The following CROT variants were observed in gnomAD, a reference collection of about 807,000 sequenced individuals.
The protein encoded by CROT is carnitine O-octanoyltransferase.
CROT carries 84 observed loss-of-function variants against 89.2 expected under a neutral mutation model. That is an observed-to-expected ratio of 0.94 (90% CI 0.79 to 1.13). The LOEUF is 1.13. Ranked by LOEUF, CROT falls within the 50% of genes most tolerant of loss-of-function variation. The pLI, the probability that CROT is intolerant of heterozygous loss-of-function variation, is 0.00. For synonymous variants in CROT, 212 were observed against 239.5 expected, an observed-to-expected ratio of 0.89 and a Z score of 1.06; for missense variants, 711 against 727.8, an observed-to-expected ratio of 0.98 and a Z score of 0.27.
chr7:87,361,528 A>G lies in CROT; in HGVS notation c.379A>G (p.Ile127Val). 1 of 1,607,452 alleles carries G rather than the reference A, an allele frequency of 6.2e-7. No homozygotes were observed. The highest frequency in any genetic ancestry group is 8.5e-7 in the Non-Finnish European group (1 of 1,177,442). Residue 127 changes from isoleucine (I) to valine (V), a missense_variant, in exon 5 of 18, where the codon ATA becomes GTA. Transcript: ENST00000331536. ...KEGTQLERGS[I>V]TLWHNLNYWQ... Reference sequence around the variant, plus strand: ...AGGGACTCAATTAGAAAGAGGAAGTATAACTCTTTGGCATAACTTGAACTA... The same window carrying G: ...AGGGACTCAATTAGAAAGAGGAAGTGTAACTCTTTGGCATAACTTGAACTA...
At chr7:87,391,752 A>C in intron 14 of CROT, 40 bp downstream of exon 14, 1 of 1,590,804 alleles carries the variant, frequency 6.3e-7, no homozygotes, top group Non-Finnish European at 8.5e-7. Flanking sequence ...AGATTTGTTT[A>C]ATTGTTCTAA....
At chr7:87,373,393 C>T (rs564303040) in intron 7 of CROT, among the ~76,000 whole-genome samples, 1 of 151,996 alleles carries the variant, frequency 6.6e-6, no homozygotes, top group African/African-American at 2.4e-5. Flanking sequence ...TTCTTGATGG[C>T]CTCTTTTGAT....
intron 17 of CROT, among the ~76,000 whole-genome samples, chr7:87,393,881 A>G (rs569191600): frequency 6.6e-6 from 1 of 152,178 alleles, no homozygotes; most frequent in East Asian, 1.9e-4. Flanking sequence ...TAAATGAGAA[A>G]ATTTTTTGGA....
intron 17 of CROT, among the ~76,000 whole-genome samples, chr7:87,397,874 A>G (rs1807592390): frequency 1.3e-5 from 2 of 152,182 alleles, no homozygotes; most frequent in Admixed American, 6.6e-5. Flanking sequence ...TTTTGAGCCT[A>G]ATTCATATTT....
intron 3 of CROT, among the ~76,000 whole-genome samples, chr7:87,350,265 GT>G (rs1473689613): frequency 6.6e-6 from 1 of 152,106 alleles, no homozygotes; most frequent in East Asian, 1.9e-4. Context: ...ATAATATTCA[GT>G]TTTGTTCAAG....
chr7:87,386,081 G>T (rs1287559413), intron 13 of CROT, among the ~76,000 whole-genome samples: 1 of 152,042 alleles, frequency 6.6e-6, no homozygotes, highest in Non-Finnish European at 1.5e-5. Flanking sequence ...ATTTTGTTGA[G>T]GATTTCTGCA....
intron 2 of CROT, 104 bp from the exon 3 acceptor site, chr7:87,348,944 G>A: frequency 2.0e-6 from 1 of 501,224 alleles, no homozygotes; most frequent in Non-Finnish European, 3.6e-6. Flanking sequence ...TCCTAGATAT[G>A]CTGTGGTCCC....
chr7:87,360,502 A>G (rs1806233485), intron 4 of CROT, among the ~76,000 whole-genome samples: 4 of 151,816 alleles, frequency 2.6e-5, no homozygotes, highest in Non-Finnish European at 5.9e-5. Context: ...CACCACACCC[A>G]ACTGATTTTT....
intron 17 of CROT, among the ~76,000 whole-genome samples, chr7:87,396,245 A>G (rs1168508343): frequency 6.6e-6 from 1 of 152,200 alleles, no homozygotes; most frequent in Non-Finnish European, 1.5e-5. Flanking sequence ...CCTGAGCAAT[A>G]TAGTAAGACC....
At position 87,381,891 on chromosome 7, in the gene CROT, T is replaced by C. The variant is rs1807018714; in HGVS notation, c.979-19T>C. The C allele has an allele frequency of 1.3e-6, 2 of 1,550,538 alleles. No individual in the cohort carries two copies. Among genetic ancestry groups the C allele is most frequent in the African/African-American group, 1.4e-5 (1 of 72,858 alleles). On this transcript the variant is annotated intron_variant, in intron 10 of 17. Transcript: ENST00000331536. ...AGTTGACATAAAGTATTCAGAAATC[T>C]TGTGTGTTCTCATTTTAGCATGCTC...
chr7:87,367,237 A>G (rs1414418287), intron 6 of CROT, among the ~76,000 whole-genome samples: 1 of 152,188 alleles, frequency 6.6e-6, no homozygotes, highest in Non-Finnish European at 1.5e-5. Flanking sequence ...GAGGGAGGCA[A>G]AGGAGAGAAC....
chr7:87,394,434 G>A (rs1184197325), intron 17 of CROT, among the ~76,000 whole-genome samples: 1 of 152,050 alleles, frequency 6.6e-6, no homozygotes. Flanking sequence ...CTCCCAAGAA[G>A]CAGAGAAAAG....
rs186337309 is a variant in CROT, at chr7:87,347,878, C to G, written c.-21-1170C>G. 8.1e-4 allele frequency among the ~76,000 whole-genome samples: 123 copies of G among 152,090 alleles called. 1 individual carries two copies. Among genetic ancestry groups the G allele is most frequent in the Admixed American group, 1.2e-3 (19 of 15,272 alleles). ...CATGCATTCCTTTTTGGGAGCATGACCTGGAAGTGACACACACAAGGTCAT... is the reference window on the plus strand; with the variant it reads ...CATGCATTCCTTTTTGGGAGCATGAGCTGGAAGTGACACACACAAGGTCAT... On this transcript the variant is annotated intron_variant, in intron 2 of 17. Coordinates refer to ENST00000331536, the MANE Select transcript of CROT (RefSeq NM_021151.4).
At position 87,398,782 on chromosome 7, in the gene CROT, A is replaced by G; in HGVS notation, c.*138A>G. On this transcript the variant is annotated 3_prime_UTR_variant, in exon 18 of 18. Coordinates refer to ENST00000331536, the MANE Select transcript of CROT (RefSeq NM_021151.4). ...AGTTAAGAAAACTTGTTAAATGTAG[A>G]AATTAGTAGAATCATGCTCTCTAAA... 1.3e-6 allele frequency: 1 copy of G among 770,440 alleles called. No individual in the cohort carries two copies. Among genetic ancestry groups the G allele is most frequent in the African/African-American group, 1.8e-5 (1 of 57,004 alleles). The allele number at this position is 770,440 out of a possible 1,614,324, so 47.7% of individuals were successfully genotyped here.
At chr7:87,389,912 A>C (rs1163373050) in intron 13 of CROT, among the ~76,000 whole-genome samples, 1 of 152,118 alleles carries the variant, frequency 6.6e-6, no homozygotes, top group African/African-American at 2.4e-5. Flanking sequence ...TTTTTTTTAT[A>C]TAGAAGATAT....
intron 3 of CROT, among the ~76,000 whole-genome samples, chr7:87,358,984 C>T (rs1014894697): frequency 2.6e-5 from 4 of 152,180 alleles, no homozygotes; most frequent in Non-Finnish European, 5.9e-5. Flanking sequence ...GGCTCCCTCC[C>T]GACTTGCTAA....
chr7:87,375,962 C>G lies in CROT; in HGVS notation c.876+9C>G. On this transcript the variant is annotated intron_variant, in intron 9 of 17. Transcript: ENST00000331536. Reference sequence around the variant, plus strand: ...CAGAGGATTATTCTGAGGTACTTAACTACCTTCTCTTTTTTTTTTTATTGC... The same window carrying G: ...CAGAGGATTATTCTGAGGTACTTAAGTACCTTCTCTTTTTTTTTTTATTGC... The G allele has an allele frequency of 6.7e-7, 1 of 1,501,602 alleles. No homozygotes were observed. The allele number at this position is 1,501,602 out of a possible 1,614,324, so 93.0% of individuals were successfully genotyped here. A position where few individuals can be genotyped will look rare whatever the true frequency, so the allele number is the denominator to read the frequency against.
At chr7:87,366,591 G>A (rs886827861) in intron 6 of CROT, among the ~76,000 whole-genome samples, 5 of 152,098 alleles carry the variant, frequency 3.3e-5, no homozygotes, top group Non-Finnish European at 7.4e-5. Context: ...CAACTCAGCT[G>A]TTCCTTTGGC....
At position 87,356,257 on chromosome 7, in the gene CROT, T is replaced by C. The variant is rs113471902; in HGVS notation, c.116-2949T>C. The stretch of plus-strand genomic sequence containing the variant: ...ATTTCTTAATTGGAAATGACTCAGA[T>C]ATCCAGTGAGTCATGCCAGGAAAGC... On this transcript the variant is annotated intron_variant, in intron 3 of 17. Transcript: ENST00000331536. Among the ~76,000 whole-genome samples the C allele has an allele frequency of 7.4e-3, 1,121 of 152,316 alleles. 13 individuals carry two copies. Among genetic ancestry groups the C allele is most frequent in the African/African-American group, 0.025 (1,052 of 41,566 alleles).
Sources: gnomAD v4.1 joint callset for allele counts (sites outside exome capture counted in the v4.1 genomes callset) on GRCh38, gnomAD v4.1.1 for gene constraint, MANE v1.5 for transcripts, NCBI Gene and HGNC (gene_info 2026-07-23, HGNC 2026-07-21) for gene names.